CCDC15: variants seen among roughly 807,000 people sequenced by gnomAD.
CCDC15 encodes coiled-coil domain-containing protein 15.
Under a neutral mutation model 114.5 loss-of-function variants are expected in CCDC15, and 105 were observed. That is an observed-to-expected ratio of 0.92 (90% CI 0.78 to 1.08). CCDC15 has a LOEUF of 1.08. Among genes scored for constraint, CCDC15 ranks in the 50% least tolerant of loss-of-function variants. The probability of loss-of-function intolerance (pLI) is 0.00; values close to 1 mark genes in which losing one functional copy is unlikely to be tolerated. For missense variants in CCDC15, 1,105 were observed against 1,093.6 expected, an observed-to-expected ratio of 1.01 and a Z score of -0.15; for synonymous variants, 334 against 377.8, an observed-to-expected ratio of 0.88 and a Z score of 1.34.
rs369725233 is a variant in CCDC15 at position 125,040,904 on chromosome 11, C to G, written c.*193C>G. On this transcript the variant is annotated 3_prime_UTR_variant, in exon 16 of 16. Coordinates refer to ENST00000344762, the MANE Select transcript of CCDC15 (RefSeq NM_025004.3). ...AGATTGAAAGCTGACTTACTTCTCT[C>G]TTCTGTCTTGTGAACCATACGGAGC... 1 of 595,608 alleles carries G rather than the reference C, an allele frequency of 1.7e-6. No homozygotes were observed. The highest frequency in any genetic ancestry group is 2.9e-6 in the Non-Finnish European group (1 of 344,250). The allele number at this position is 595,608 out of a possible 1,614,324, so 36.9% of individuals were successfully genotyped here. A position where few individuals can be genotyped will look rare whatever the true frequency, so the allele number is the denominator to read the frequency against.
chr11:125,023,127 T>C (rs1280841586), intron 13 of CCDC15, among the ~76,000 whole-genome samples: 1 of 151,948 alleles, frequency 6.6e-6, no homozygotes, highest in Non-Finnish European at 1.5e-5. Flanking sequence ...TCTAGAAAGA[T>C]TATAATTTTA....
At chr11:124,974,221 T>C (rs1947933989) in intron 4 of CCDC15, among the ~76,000 whole-genome samples, 1 of 152,304 alleles carries the variant, frequency 6.6e-6, no homozygotes, top group East Asian at 1.9e-4. Flanking sequence ...CCTCAGGTGA[T>C]CCGCCTGCCT....
chr11:125,040,446 A>G lies in CCDC15; in HGVS notation c.2735-144A>G, dbSNP rs76541788. On this transcript the variant is annotated intron_variant, in intron 15 of 15. Transcript: ENST00000344762. ...TTTCTGTCCTCACAGAGTGCTTGTC[A>G]TATAGTAAGTACTGAATAAATATTT... 2.5e-3 allele frequency: 1,732 copies of G among 681,234 alleles called. 35 individuals are homozygous for G. In the East Asian group the frequency reaches 0.042, roughly 16 times the overall value. The allele number at this position is 681,234 out of a possible 1,614,324, so 42.2% of individuals were successfully genotyped here.
rs138543409 is a variant in CCDC15 at position 125,006,187 on chromosome 11, G to T, written c.2411+975G>T. Among the ~76,000 whole-genome samples the T allele has an allele frequency of 1.9e-3, 296 of 152,280 alleles. 1 individual carries two copies. The highest frequency in any genetic ancestry group is 0.017 in the Middle Eastern group (5 of 294). On this transcript the variant is annotated intron_variant, in intron 13 of 15. Transcript: ENST00000344762. Reference sequence around the variant, plus strand: ...ACCATTTTGCATTCCCACCAGCAAGGAGTGAGGGTTCCTGTTGCTTGACAT... The same window carrying T: ...ACCATTTTGCATTCCCACCAGCAAGTAGTGAGGGTTCCTGTTGCTTGACAT...
At chr11:124,973,337 G>C (rs904523100) in intron 4 of CCDC15, among the ~76,000 whole-genome samples, 1 of 151,692 alleles carries the variant, frequency 6.6e-6, no homozygotes, top group African/African-American at 2.4e-5. Context: ...ATAAAAGGAG[G>C]CATAGTCATG....
intron 13 of CCDC15, among the ~76,000 whole-genome samples, chr11:125,017,960 G>T (rs1948639257): frequency 6.6e-6 from 1 of 152,052 alleles, no homozygotes; most frequent in Non-Finnish European, 1.5e-5. Flanking sequence ...TTATAAAAGA[G>T]TCAAGTAAAA....
At chr11:125,019,263 C>G (rs780947479) in intron 13 of CCDC15, among the ~76,000 whole-genome samples, 6 of 151,994 alleles carry the variant, frequency 3.9e-5, no homozygotes, top group Non-Finnish European at 7.4e-5. Flanking sequence ...CATAGATTAT[C>G]TCCTCTTAAT....
intron 13 of CCDC15, among the ~76,000 whole-genome samples, chr11:125,015,363 A>G (rs192365653): frequency 2.2e-3 from 339 of 152,290 alleles, no homozygotes; most frequent in Middle Eastern, 6.8e-3. Flanking sequence ...CAGTAAAAAG[A>G]AAAAACACAA....
At chr11:124,970,819 G>A (rs1947865119) in intron 4 of CCDC15, among the ~76,000 whole-genome samples, 1 of 152,064 alleles carries the variant, frequency 6.6e-6, no homozygotes, top group African/African-American at 2.4e-5. Context: ...TTTGCTTGAT[G>A]CTTTAAATTT....
At chr11:124,977,836 T>A (rs989059612) in intron 6 of CCDC15, among the ~76,000 whole-genome samples, 2 of 152,170 alleles carry the variant, frequency 1.3e-5, no homozygotes, top group Non-Finnish European at 2.9e-5. Context: ...TAGAGCATTT[T>A]ATTTTTAATT....
chr11:125,004,758 T>G, intron 12 of CCDC15, among the ~76,000 whole-genome samples: 1 of 152,188 alleles, frequency 6.6e-6, no homozygotes, highest in Middle Eastern at 3.4e-3. Context: ...AAAGTTAAAG[T>G]AACTATTGGT....
chr11:125,012,573 G>A (rs183808853), intron 13 of CCDC15, among the ~76,000 whole-genome samples: 3 of 152,264 alleles, frequency 2.0e-5, no homozygotes, highest in South Asian at 2.1e-4. Context: ...AGGGATTAAC[G>A]ATTTTATCTG....
intron 13 of CCDC15, among the ~76,000 whole-genome samples, chr11:125,005,805 T>C (rs539558863): frequency 1.3e-5 from 2 of 152,308 alleles, no homozygotes; most frequent in South Asian, 2.1e-4. Context: ...GTTGGAATCA[T>C]ACAGTATGTA....
chr11:124,993,997 T>C (rs559377823), intron 11 of CCDC15, among the ~76,000 whole-genome samples: 1 of 152,324 alleles, frequency 6.6e-6, no homozygotes, highest in East Asian at 1.9e-4. Flanking sequence ...TCCAGAATGG[T>C]GACAAGAAGT....
chr11:124,966,751 A>G (rs568849858), intron 4 of CCDC15, among the ~76,000 whole-genome samples: 14 of 152,090 alleles, frequency 9.2e-5, no homozygotes, highest in Non-Finnish European at 1.5e-4. Flanking sequence ...GGTCTTTACA[A>G]TTTGGCATGT....
intron 4 of CCDC15, among the ~76,000 whole-genome samples, chr11:124,960,776 C>G (rs938776458): frequency 2.0e-5 from 3 of 152,166 alleles, no homozygotes; most frequent in African/African-American, 7.2e-5. Context: ...TTAGCCCCCA[C>G]CTTAGTATAC....
At chr11:124,977,079 A>C (rs191448536) in intron 5 of CCDC15, among the ~76,000 whole-genome samples, 2 of 152,232 alleles carry the variant, frequency 1.3e-5, no homozygotes, top group Non-Finnish European at 2.9e-5. Context: ...GATTGAGTTG[A>C]ACCCTGGTTT....
intron 7 of CCDC15, 39 bp downstream of exon 7, chr11:124,986,927 A>T (rs1324338882): frequency 1.8e-5 from 27 of 1,506,218 alleles, no homozygotes; most frequent in Non-Finnish European, 2.4e-5. Context: ...TGTGATTTGG[A>T]CTAGGTATTG....
At chr11:124,955,616 A>G (rs1240138529) in intron 2 of CCDC15, among the ~76,000 whole-genome samples, 1 of 152,170 alleles carries the variant, frequency 6.6e-6, no homozygotes, top group Non-Finnish European at 1.5e-5. Context: ...CAATATAGAC[A>G]CTCATGAAGT....
Sources: gnomAD v4.1 joint callset for allele counts (sites outside exome capture counted in the v4.1 genomes callset) on GRCh38, gnomAD v4.1.1 for gene constraint, MANE v1.5 for transcripts, NCBI Gene and HGNC (gene_info 2026-07-23, HGNC 2026-07-21) for gene names.